MEI4: variants seen among roughly 807,000 people sequenced by gnomAD.
MEI4 encodes meiotic double-stranded break formation protein 4.
In MEI4, 27 loss-of-function variants were observed where a neutral mutation model predicts 31.4. That is an observed-to-expected ratio of 0.86 (90% CI 0.63 to 1.19). MEI4 has a LOEUF of 1.19. MEI4 is among the 50% of genes most tolerant of loss of function. The pLI, the probability that MEI4 is intolerant of heterozygous loss-of-function variation, is 0.00. For synonymous variants in MEI4, 122 were observed against 145.4 expected (o/e 0.84, Z 1.16); for missense variants, 329 against 398.9 (o/e 0.82, Z 1.49).
chr6:77,731,085 C>T (rs1285377896), intron 2 of MEI4, among the ~76,000 whole-genome samples: 1 of 151,954 alleles, frequency 6.6e-6, no homozygotes, highest in East Asian at 1.9e-4. Flanking sequence ...CCTCAATAAA[C>T]ATATGTGTGC....
intron 4 of MEI4, among the ~76,000 whole-genome samples, chr6:77,884,455 C>T (rs947193847): frequency 6.6e-6 from 1 of 152,056 alleles, no homozygotes; most frequent in African/African-American, 2.4e-5. Context: ...AAGCATTTCC[C>T]CTGTTTTCTT....
intron 4 of MEI4, among the ~76,000 whole-genome samples, chr6:77,831,960 T>C (rs1770094518): frequency 6.6e-6 from 1 of 152,066 alleles, no homozygotes; most frequent in Admixed American, 6.6e-5. Flanking sequence ...ATGTTTGCAA[T>C]GATAGATATC....
intron 2 of MEI4, among the ~76,000 whole-genome samples, chr6:77,706,225 C>T (rs541554210): frequency 6.6e-6 from 1 of 152,222 alleles, no homozygotes; most frequent in Non-Finnish European, 1.5e-5. Context: ...TAAGAGCTGA[C>T]CATAGGGAAA....
chr6:77,756,867 G>A (rs1389367226), intron 2 of MEI4, among the ~76,000 whole-genome samples: 2 of 152,190 alleles, frequency 1.3e-5, no homozygotes, highest in Non-Finnish European at 2.9e-5. Flanking sequence ...CTGATGAGGT[G>A]TCTGCTACAG....
chr6:77,730,828 C>T (rs918979761), intron 2 of MEI4, among the ~76,000 whole-genome samples: 14 of 144,134 alleles, frequency 9.7e-5, no homozygotes, highest in Admixed American at 6.5e-4. Flanking sequence ...CTTCCTGTGT[C>T]CCTGTGTTCT....
intron 4 of MEI4, among the ~76,000 whole-genome samples, chr6:77,887,451 CACACCCGGCTA>C (rs1562026461): frequency 1.3e-5 from 2 of 151,982 alleles, no homozygotes; most frequent in Non-Finnish European, 2.9e-5. Flanking sequence ...CATCGCCCAC[CACACCCGGCTA>C]ATTTTTGTAC....
At chr6:77,742,890 T>A (rs1767456439) in intron 2 of MEI4, among the ~76,000 whole-genome samples, 1 of 152,118 alleles carries the variant, frequency 6.6e-6, no homozygotes, top group Admixed American at 6.5e-5. Context: ...CCTTTCCCCA[T>A]TGCTTGTTTT....
At chr6:77,905,275 C>A (rs1191293025) in intron 4 of MEI4, among the ~76,000 whole-genome samples, 1 of 151,832 alleles carries the variant, frequency 6.6e-6, no homozygotes, top group African/African-American at 2.4e-5. Flanking sequence ...CTGTTCATAG[C>A]CTTACTAAAA....
At chr6:77,745,079 A>T (rs1054230070) in intron 2 of MEI4, among the ~76,000 whole-genome samples, 4 of 152,204 alleles carry the variant, frequency 2.6e-5, no homozygotes, top group Non-Finnish European at 4.4e-5. Flanking sequence ...CAAAATAACC[A>T]GCTAGCATCA....
chr6:77,793,852 G>A (rs1431251581), intron 3 of MEI4, among the ~76,000 whole-genome samples: 1 of 151,802 alleles, frequency 6.6e-6, no homozygotes, highest in Non-Finnish European at 1.5e-5. Context: ...AAATCAAAAA[G>A]GAACACAGCA....
chr6:77,854,592 C>T (rs773992219), intron 4 of MEI4, among the ~76,000 whole-genome samples: 3 of 151,844 alleles, frequency 2.0e-5, no homozygotes, highest in African/African-American at 7.3e-5. Flanking sequence ...GTAATCTACC[C>T]TAGTAGTAAT....
intron 1 of MEI4, among the ~76,000 whole-genome samples, chr6:77,687,083 G>T (rs958196822): frequency 6.6e-5 from 10 of 151,908 alleles, no homozygotes; most frequent in African/African-American, 9.7e-5. Flanking sequence ...TACATGCATT[G>T]CCTGAGGGAA....
chr6:77,742,812 G>C (rs1291326831), intron 2 of MEI4, among the ~76,000 whole-genome samples: 1 of 151,940 alleles, frequency 6.6e-6, no homozygotes, highest in African/African-American at 2.4e-5. Context: ...GTGTAAGGAA[G>C]GGATCCAGTT....
chr6:77,708,605 T>G (rs1271141430), intron 2 of MEI4, among the ~76,000 whole-genome samples: 2 of 152,210 alleles, frequency 1.3e-5, no homozygotes, highest in African/African-American at 2.4e-5. Context: ...AATCTCATGT[T>G]GAAATGTGAT....
intron 2 of MEI4, among the ~76,000 whole-genome samples, chr6:77,711,742 G>C (rs920552138): frequency 6.6e-6 from 1 of 152,210 alleles, no homozygotes; most frequent in African/African-American, 2.4e-5. Context: ...CTCTTGTAAA[G>C]GTAACTAGCA....
At chr6:77,716,245 C>T (rs1490172648) in intron 2 of MEI4, among the ~76,000 whole-genome samples, 2 of 151,976 alleles carry the variant, frequency 1.3e-5, no homozygotes, top group Non-Finnish European at 2.9e-5. Flanking sequence ...TCAGAGATGG[C>T]CTTCTTGAAG....
At chr6:77,787,382 A>C (rs1768768711) in intron 3 of MEI4, among the ~76,000 whole-genome samples, 1 of 152,146 alleles carries the variant, frequency 6.6e-6, no homozygotes. Context: ...TAGTTCACTT[A>C]GGGACTATGC....
intron 4 of MEI4, among the ~76,000 whole-genome samples, chr6:77,861,109 A>G (rs1296962221): frequency 3.9e-5 from 6 of 152,280 alleles, no homozygotes; most frequent in African/African-American, 9.6e-5. Context: ...TTCCCATCCA[A>G]TAATGGTCAC....
chr6:77,783,050 C>G lies in MEI4; in HGVS notation c.768+21385C>G, dbSNP rs1360791376. On this transcript the variant is annotated intron_variant, in intron 3 of 4. Coordinates refer to ENST00000684080, the MANE Select transcript of MEI4 (RefSeq NM_001322247.2). ...GTCAACTGCAGCTTTGTTTAACCTTCTGCATGCTCAAGGGAAATCATGGTG... is the reference window on the plus strand; with the variant it reads ...GTCAACTGCAGCTTTGTTTAACCTTGTGCATGCTCAAGGGAAATCATGGTG... 2.0e-5 allele frequency among the ~76,000 whole-genome samples: 3 copies of G among 152,124 alleles called. No homozygotes were observed. The East Asian group carries it at 5.8e-4, about 29-fold the overall frequency.
Sources: allele counts gnomAD v4.1 joint callset (sites outside exome capture counted in the v4.1 genomes callset), GRCh38; gene constraint gnomAD v4.1.1; transcripts MANE v1.5; gene names NCBI Gene and HGNC (gene_info 2026-07-23, HGNC 2026-07-21).